The following IQCH variants were observed in gnomAD, a reference collection of about 807,000 sequenced individuals.
IQCH encodes the protein IQ domain-containing protein H.
Under a neutral mutation model 117.0 loss-of-function variants are expected in IQCH, and 98 were observed. The observed-to-expected ratio is 0.84, with a 90% CI of 0.71 to 0.99. IQCH has a LOEUF of 0.99. Among genes scored for constraint, IQCH ranks in the 50% least tolerant of loss-of-function variants. The probability of loss-of-function intolerance (pLI) is 0.00; values close to 1 mark genes in which losing one functional copy is unlikely to be tolerated. For missense variants in IQCH, 1,102 were observed against 1,243.8 expected (o/e 0.89, Z 1.72); for synonymous variants, 412 against 448.2 (o/e 0.92, Z 1.02).
chr15:67,501,052 C>T lies in IQCH; in HGVS notation c.*306C>T, dbSNP rs143856873. ...TTAAAAGTCTTACTGATATCACCTC[C>T]GCATTTACTTCCTCATAGGCCTCAG... On this transcript the variant is annotated 3_prime_UTR_variant, in exon 21 of 21. Transcript: ENST00000335894. This position sits in a 1 kb window ranked among gnomAD's most constrained non-coding sequence, Gnocchi z 5.2. The T allele has an allele frequency of 1.7e-4, 29 of 174,174 alleles. No homozygotes were observed. Among genetic ancestry groups the T allele is most frequent in the African/African-American group, 5.7e-4 (24 of 42,410 alleles). The allele number at this position is 174,174 out of a possible 1,614,324, so 10.8% of individuals were successfully genotyped here. A position where few individuals can be genotyped will look rare whatever the true frequency, so the allele number is the denominator to read the frequency against.
At chr15:67,418,926 T>C (rs1212282711) in intron 15 of IQCH, among the ~76,000 whole-genome samples, 1 of 151,680 alleles carries the variant, frequency 6.6e-6, no homozygotes, top group East Asian at 1.9e-4. Context: ...ACCATGATGA[T>C]CTCCAGGCCC....
At chr15:67,486,668 A>C (rs2083489671) in intron 18 of IQCH, among the ~76,000 whole-genome samples, 1 of 152,386 alleles carries the variant, frequency 6.6e-6, no homozygotes, top group African/African-American at 2.4e-5. Flanking sequence ...ATAGAAATAT[A>C]ATGAAAACCA....
rs1971642915 is a variant in IQCH at position 67,401,128 on chromosome 15, T to A, written c.2097+823T>A. Reference sequence around the variant, plus strand: ...GTGAGATGCTGAGAAAATAGTACATTCCAGCCAGAAAATCTCCCAGCAAAA... The same window carrying A: ...GTGAGATGCTGAGAAAATAGTACATACCAGCCAGAAAATCTCCCAGCAAAA... On this transcript the variant is annotated intron_variant, in intron 14 of 20. Coordinates refer to ENST00000335894, the MANE Select transcript of IQCH (RefSeq NM_001031715.3). This position sits in a 1 kb window ranked among gnomAD's most constrained non-coding sequence, Gnocchi z 4.7. 6.6e-6 allele frequency among the ~76,000 whole-genome samples: 1 copy of A among 152,160 alleles called. No individual in the cohort carries two copies. The highest frequency in any genetic ancestry group is 1.9e-4 in the East Asian group (1 of 5,192).
rs1034460392 is a variant in IQCH, at chr15:67,356,653, G to A, written c.638-692G>A. Among the ~76,000 whole-genome samples, 1 of 152,080 alleles carries A rather than the reference G, an allele frequency of 6.6e-6. No homozygotes were observed. Among genetic ancestry groups the A allele is most frequent in the Non-Finnish European group, 1.5e-5 (1 of 68,000 alleles). On this transcript the variant is annotated intron_variant, in intron 6 of 20. Coordinates refer to ENST00000335894, the MANE Select transcript of IQCH (RefSeq NM_001031715.3). The surrounding 1 kb of genome is among the most constrained non-coding windows in gnomAD (Gnocchi z 5.3). ...AATTAACCATTTAAATAAATTTTTT[G>A]TTCTCTTTCTTGGGCTGAGTAGTAT...
chr15:67,277,201 T>C (rs1376940361), intron 3 of IQCH, among the ~76,000 whole-genome samples: 1 of 152,256 alleles, frequency 6.6e-6, no homozygotes, highest in East Asian at 1.9e-4. Flanking sequence ...ATTACCCATC[T>C]TGTCTTGCAT....
rs912105253 is a variant in IQCH at position 67,459,769 on chromosome 15, G to C, written c.2506-5358G>C. 6.6e-6 allele frequency: 1 copy of C among 152,242 alleles called. No individual in the cohort carries two copies. Among genetic ancestry groups the C allele is most frequent in the South Asian group, 2.1e-4 (1 of 4,826 alleles). The allele number at this position is 152,242 out of a possible 1,614,324, so 9.4% of individuals were successfully genotyped here. A position where few individuals can be genotyped will look rare whatever the true frequency, so the allele number is the denominator to read the frequency against. On this transcript the variant is annotated intron_variant, in intron 16 of 20. Coordinates refer to ENST00000335894, the MANE Select transcript of IQCH (RefSeq NM_001031715.3). This position sits in a 1 kb window ranked among gnomAD's most constrained non-coding sequence, Gnocchi z 4.2. ...GCAGTCAGGGCAGTGGAGAGCAGGG[G>C]CCTCTGTAGCACTTCTGCCCTCTCC...
intron 16 of IQCH, among the ~76,000 whole-genome samples, chr15:67,455,930 T>C (rs2082647620): frequency 6.6e-6 from 1 of 152,216 alleles, no homozygotes; most frequent in Admixed American, 6.5e-5. Flanking sequence ...TATTATAAAT[T>C]AGTGCTTAAT....
chr15:67,350,647 C>T (rs1238519293), intron 6 of IQCH, among the ~76,000 whole-genome samples: 1 of 152,116 alleles, frequency 6.6e-6, no homozygotes, highest in East Asian at 1.9e-4. Flanking sequence ...AGGATGGTCT[C>T]AATCTCCTGA....
chr15:67,330,167 G>A (rs1479292079), intron 4 of IQCH, among the ~76,000 whole-genome samples: 1 of 152,138 alleles, frequency 6.6e-6, no homozygotes, highest in Non-Finnish European at 1.5e-5. Flanking sequence ...GCCACAGAAA[G>A]CTGCAAGGCA....
chr15:67,323,096 C>A (rs78387084), intron 4 of IQCH, among the ~76,000 whole-genome samples: 1 of 152,116 alleles, frequency 6.6e-6, no homozygotes, highest in African/African-American at 2.4e-5. Flanking sequence ...TCTCAGCCTT[C>A]GTCAGTTTTC....
Position 67,279,506 on chromosome 15 carries a change from A to G in IQCH, c.381A>G (p.Arg127=). The change falls in exon 4 of 21, where the codon AGA becomes AGG. Residue 127 remains arginine, a synonymous_variant. Transcript: ENST00000335894. ...GTTCATCTCTGCCTGTCTTTCCAAG[A>G]GCAAAGGTAGGTATAGAGAAATTCA... ...QHSSSLPVFP[R]AKIKVSKLIK... The G allele has an allele frequency of 6.3e-7, 1 of 1,577,376 alleles. No individual in the cohort carries two copies. Among genetic ancestry groups the G allele is most frequent in the Non-Finnish European group, 8.7e-7 (1 of 1,151,878 alleles).
intron 4 of IQCH, among the ~76,000 whole-genome samples, chr15:67,319,528 C>A (rs191142422): frequency 6.6e-6 from 1 of 152,166 alleles, no homozygotes; most frequent in South Asian, 2.1e-4. Context: ...AACACCAACA[C>A]GTGACATGTG....
At chr15:67,346,273 T>A (rs1651334623) in intron 6 of IQCH, among the ~76,000 whole-genome samples, 1 of 151,576 alleles carries the variant, frequency 6.6e-6, no homozygotes. Context: ...AAATAATAAA[T>A]CCAGAATTAT....
At chr15:67,400,053 G>A (rs780466498) in intron 13 of IQCH, 61 bp from the exon 14 acceptor site, 207 of 1,375,244 alleles carry the variant, frequency 1.5e-4, no homozygotes, top group Non-Finnish European at 2.0e-4. Flanking sequence ...AAGTTGTTAC[G>A]ATAAAAAGGA....
Position 67,454,894 on chromosome 15 carries a change from G to A in IQCH, c.2506-10233G>A, listed in dbSNP as rs770489109. Among the ~76,000 whole-genome samples the A allele has an allele frequency of 1.3e-5, 2 of 152,194 alleles. No individual in the cohort carries two copies. Among genetic ancestry groups the A allele is most frequent in the Non-Finnish European group, 2.9e-5 (2 of 68,040 alleles). The stretch of plus-strand genomic sequence containing the variant: ...TATAAAAGTGTTCGCATAAACATGT[G>A]TTTTCATTTGTCTTGGTTATATACC... On this transcript the variant is annotated intron_variant, in intron 16 of 20. Transcript: ENST00000335894. This position sits in a 1 kb window ranked among gnomAD's most constrained non-coding sequence, Gnocchi z 5.2.
rs1305289688 is a variant in IQCH at position 67,466,525 on chromosome 15, A to G, written c.2676+1228A>G. The G allele has an allele frequency of 1.3e-5, 2 of 151,916 alleles. No homozygotes were observed. Among genetic ancestry groups the G allele is most frequent in the Non-Finnish European group, 2.9e-5 (2 of 68,020 alleles). 9.4% of individuals were successfully genotyped at this position (151,916 alleles called of 1,614,324 possible). On this transcript the variant is annotated intron_variant, in intron 17 of 20. Transcript: ENST00000335894. This position sits in a 1 kb window ranked among gnomAD's most constrained non-coding sequence, Gnocchi z 4.4. ...CAAGCGGTCTCCTGCCTCTCTGTGA[A>G]CCCCTTTGGGTCCAGTCTGGATTTG...
At chr15:67,410,548 T>C (rs188803181) in intron 14 of IQCH, among the ~76,000 whole-genome samples, 17 of 152,340 alleles carry the variant, frequency 1.1e-4, no homozygotes, top group Admixed American at 2.6e-4. Flanking sequence ...CAGGAAGTGC[T>C]TCCTAATATT....
chr15:67,402,821 T>C (rs143309203), intron 14 of IQCH, among the ~76,000 whole-genome samples: 1 of 152,244 alleles, frequency 6.6e-6, no homozygotes, highest in African/African-American at 2.4e-5. Flanking sequence ...TTTTTCTCAT[T>C]GGTATGTTGT....
At chr15:67,398,246 A>G (rs1052444460) in intron 13 of IQCH, among the ~76,000 whole-genome samples, 4 of 152,212 alleles carry the variant, frequency 2.6e-5, no homozygotes, top group African/African-American at 9.6e-5. Context: ...AAAGAATTTT[A>G]TCTGATGTTA....
Sources: gnomAD v4.1 joint callset for allele counts (sites outside exome capture counted in the v4.1 genomes callset) on GRCh38, gnomAD v4.1.1 for gene constraint, Gnocchi (gnomAD v3.1) non-coding constraint, MANE v1.5 for transcripts, NCBI Gene and HGNC (gene_info 2026-07-23, HGNC 2026-07-21) for gene names.